The following CPT1A variants were observed in gnomAD, a reference collection of about 807,000 sequenced individuals.
The protein encoded by CPT1A is carnitine O-palmitoyltransferase 1, liver isoform.
In CPT1A, 64 loss-of-function variants were observed where a neutral mutation model predicts 100.8. The observed-to-expected ratio is 0.63, with a 90% CI of 0.52 to 0.78. The LOEUF is 0.78. Ranked by LOEUF, CPT1A falls within the 30% of genes least tolerant of loss-of-function variation. The probability of loss-of-function intolerance (pLI) is 0.00; values close to 1 mark genes in which losing one functional copy is unlikely to be tolerated. For missense variants in CPT1A, 802 were observed against 1,034.1 expected, an observed-to-expected ratio of 0.78 and a Z score of 3.08; for synonymous variants, 363 against 396.0, an observed-to-expected ratio of 0.92 and a Z score of 0.99.
intron 15 of CPT1A, among the ~76,000 whole-genome samples, chr11:68,762,289 C>T (rs1405238185): frequency 6.6e-6 from 1 of 152,214 alleles, no homozygotes; most frequent in Non-Finnish European, 1.5e-5. Context: ...AGCTCACCTA[C>T]CCTGACACCA....
At chr11:68,834,641 C>G (rs528767161) in intron 1 of CPT1A, among the ~76,000 whole-genome samples, 47 of 152,114 alleles carry the variant, frequency 3.1e-4, no homozygotes, top group African/African-American at 1.1e-3. Context: ...GTGGTCCCAG[C>G]TACTTGCGAG....
chr11:68,794,416 AT>A (rs1025838882), intron 8 of CPT1A, among the ~76,000 whole-genome samples: 19 of 148,618 alleles, frequency 1.3e-4, no homozygotes, highest in African/African-American at 2.2e-4. Flanking sequence ...TTATTTTTTA[AT>A]TTTTTTTTTT....
intron 1 of CPT1A, among the ~76,000 whole-genome samples, chr11:68,829,464 A>G (rs12283159): frequency 0.76 from 115,494 of 152,174 alleles, 46,981 homozygotes; most frequent in Non-Finnish European, 0.92. Context: ...CAAGCTGCAC[A>G]GCAGGGCGTG....
chr11:68,811,978 T>C (rs527857516), intron 3 of CPT1A, among the ~76,000 whole-genome samples: 1 of 152,216 alleles, frequency 6.6e-6, no homozygotes, highest in African/African-American at 2.4e-5. Context: ...TCTAAACCAT[T>C]CTGACAGAGT....
chr11:68,792,173 T>TA (rs1855633365), intron 9 of CPT1A, among the ~76,000 whole-genome samples: 1 of 151,750 alleles, frequency 6.6e-6, no homozygotes, highest in Non-Finnish European at 1.5e-5. Context: ...CCGTCTCTAC[T>TA]AAAAATATAA....
At chr11:68,840,785 G>A (rs1179502339) in intron 1 of CPT1A, among the ~76,000 whole-genome samples, 1 of 152,246 alleles carries the variant, frequency 6.6e-6, no homozygotes, top group Admixed American at 6.5e-5. Flanking sequence ...GGCTGGCCGC[G>A]GCGGTGGCTC....
At chr11:68,758,764 G>A (rs556441221) in intron 18 of CPT1A, among the ~76,000 whole-genome samples, 85 of 151,990 alleles carry the variant, frequency 5.6e-4, no homozygotes, top group African/African-American at 1.9e-3. Flanking sequence ...GATTACAGGC[G>A]TGTGCCACCA....
At chr11:68,770,815 C>G (rs139543547) in intron 14 of CPT1A, among the ~76,000 whole-genome samples, 200 of 152,312 alleles carry the variant, frequency 1.3e-3, no homozygotes, top group African/African-American at 4.6e-3. Flanking sequence ...ATGCGGGAAG[C>G]TGGTCTGTGC....
chr11:68,778,060 G>T lies in CPT1A; in HGVS notation c.1458+2580C>A, dbSNP rs568291030. Among the ~76,000 whole-genome samples, 3 of 152,048 alleles carry T rather than the reference G, an allele frequency of 2.0e-5. No individual in the cohort carries two copies. In the East Asian group the frequency reaches 5.8e-4, roughly 29 times the overall value. Reference sequence around the variant, plus strand: ...GTATTAATGTCCTAGGGTCATACTGGTGTCTTAAAGCCTAGAGCACTATGT... The same window carrying T: ...GTATTAATGTCCTAGGGTCATACTGTTGTCTTAAAGCCTAGAGCACTATGT... On this transcript the variant is annotated intron_variant, in intron 12 of 18. Coordinates refer to ENST00000265641, the MANE Select transcript of CPT1A (RefSeq NM_001876.4).
At chr11:68,775,468 G>T (rs565151030) in intron 12 of CPT1A, 36 bp from the exon 13 acceptor site, 2 of 1,482,088 alleles carry the variant, frequency 1.3e-6, no homozygotes, top group South Asian at 2.3e-5. Context: ...AAAACTAACA[G>T]TGGTACATAA....
rs1210532617 is a variant in CPT1A at position 68,838,572 on chromosome 11, T to TAA, written c.-14+3201_-14+3202dup. ...ACTCTACTCTGTATCTGCACCTTTT[T>TAA]AAAAAAAAAAAAAAAAAAACAGAGA... On this transcript the variant is annotated intron_variant, in intron 1 of 18. Coordinates refer to ENST00000265641, the MANE Select transcript of CPT1A (RefSeq NM_001876.4). 8.4e-5 allele frequency among the ~76,000 whole-genome samples: 8 copies of TAA among 95,520 alleles called. No individual in the cohort carries two copies. The East Asian group carries it at 2.5e-3, about 29-fold the overall frequency. The allele number at this position is 95,520 out of a possible 152,430, so 62.7% of individuals were successfully genotyped here.
chr11:68,835,408 C>G lies in CPT1A; in HGVS notation c.-14+6367G>C, dbSNP rs981599112. ...TGTATCTCCCATGCATATTCTTCACCTTTGCACAGAATATAACAACTTGAA... is the reference window on the plus strand; with the variant it reads ...TGTATCTCCCATGCATATTCTTCACGTTTGCACAGAATATAACAACTTGAA... On this transcript the variant is annotated intron_variant, in intron 1 of 18. Coordinates refer to ENST00000265641, the MANE Select transcript of CPT1A (RefSeq NM_001876.4). Among the ~76,000 whole-genome samples the G allele has an allele frequency of 2.6e-5, 4 of 152,228 alleles. No individual in the cohort carries two copies. In the South Asian group the frequency reaches 8.3e-4, roughly 32 times the overall value.
chr11:68,795,202 G>C (rs149935608), intron 7 of CPT1A, among the ~76,000 whole-genome samples: 2 of 152,158 alleles, frequency 1.3e-5, no homozygotes, highest in African/African-American at 2.4e-5. Context: ...AAAATTAGTC[G>C]GGGAGCAATT....
chr11:68,769,871 A>C lies in CPT1A; in HGVS notation c.1740+3394T>G, dbSNP rs182999006. Reference sequence around the variant, plus strand: ...CGAGACCAGCCTGGCCAACGTGGTGAAACTCCGTCTCTACTAAAGATACAA... The same window carrying C: ...CGAGACCAGCCTGGCCAACGTGGTGCAACTCCGTCTCTACTAAAGATACAA... On this transcript the variant is annotated intron_variant, in intron 14 of 18. Coordinates refer to ENST00000265641, the MANE Select transcript of CPT1A (RefSeq NM_001876.4). 9.5e-4 allele frequency among the ~76,000 whole-genome samples: 144 copies of C among 152,176 alleles called. 1 individual carries two copies. The highest frequency in any genetic ancestry group is 3.3e-3 in the African/African-American group (139 of 41,540).
intron 4 of CPT1A, among the ~76,000 whole-genome samples, chr11:68,806,311 G>C (rs572422286): frequency 6.6e-6 from 1 of 152,234 alleles, no homozygotes; most frequent in Non-Finnish European, 1.5e-5. Context: ...TTACAGCCAT[G>C]AGTAGCCATG....
At chr11:68,837,043 T>C (rs1857026957) in intron 1 of CPT1A, among the ~76,000 whole-genome samples, 1 of 152,128 alleles carries the variant, frequency 6.6e-6, no homozygotes, top group Non-Finnish European at 1.5e-5. Context: ...TTTTGTCTCT[T>C]CTCTTCTCTT....
intron 9 of CPT1A, among the ~76,000 whole-genome samples, chr11:68,785,453 C>T (rs1043703391): frequency 1.3e-5 from 2 of 150,782 alleles, no homozygotes; most frequent in African/African-American, 2.4e-5. Flanking sequence ...CCCAGCTACT[C>T]GGGAGGCTGA....
intron 1 of CPT1A, among the ~76,000 whole-genome samples, chr11:68,820,117 C>A (rs893655908): frequency 1.3e-5 from 2 of 152,046 alleles, no homozygotes; most frequent in African/African-American, 4.8e-5. Context: ...GCAGCCTCTA[C>A]TCCCCAAGCT....
At chr11:68,837,285 T>A (rs1485775673) in intron 1 of CPT1A, among the ~76,000 whole-genome samples, 2 of 152,148 alleles carry the variant, frequency 1.3e-5, no homozygotes, top group Non-Finnish European at 2.9e-5. Context: ...CCTGACCTCA[T>A]GTTCCGCCCA....
Sources: allele counts gnomAD v4.1 joint callset (sites outside exome capture counted in the v4.1 genomes callset), GRCh38; gene constraint gnomAD v4.1.1; transcripts MANE v1.5; gene names NCBI Gene and HGNC (gene_info 2026-07-23, HGNC 2026-07-21).